CYB5R1: variants seen among roughly 807,000 people sequenced by gnomAD.
The protein encoded by CYB5R1 is NADH-cytochrome b5 reductase 1.
CYB5R1 carries 32 observed loss-of-function variants against 37.4 expected under a neutral mutation model. That is an observed-to-expected ratio of 0.86 (90% CI 0.65 to 1.15). The LOEUF (loss-of-function observed/expected upper bound fraction) is 1.15, where lower values mean the gene tolerates loss of function less well. Ranked by LOEUF, CYB5R1 falls within the 50% of genes most tolerant of loss-of-function variation. The pLI is 0.00. For synonymous variants in CYB5R1, 159 were observed against 155.2 expected (o/e 1.02, Z -0.18); for missense variants, 345 against 382.5 (o/e 0.90, Z 0.82).
Position 202,963,276 on chromosome 1 carries a change from A to G in CYB5R1, c.646-111T>C, listed in dbSNP as rs1655029549. The G allele has an allele frequency of 4.0e-6, 3 of 741,806 alleles. No homozygotes were observed. In the Admixed American group the frequency reaches 8.0e-5, roughly 20 times the overall value. 46.0% of individuals were successfully genotyped at this position (741,806 alleles called of 1,614,324 possible). A position where few individuals can be genotyped will look rare whatever the true frequency, so the allele number is the denominator to read the frequency against. On this transcript the variant is annotated intron_variant, in intron 7 of 8. Coordinates refer to ENST00000367249, the MANE Select transcript of CYB5R1 (RefSeq NM_016243.3). ...AAAAAGAATGTTAAGGGAAAGCAAA[A>G]GTTCTAGGAAATAAGCAAGACTTGC... is the stretch of plus-strand genomic sequence containing the variant.
Position 202,967,193 on chromosome 1 carries a change from T to C in CYB5R1, c.13A>G (p.Thr5Ala), listed in dbSNP as rs1655114929. Reference sequence around the variant, plus strand: ...AGGATACTGAATGAGGGTCTTACCGTCTGGATCCCCATGACGGAGCGCCTT... The same window carrying C: ...AGGATACTGAATGAGGGTCTTACCGCCTGGATCCCCATGACGGAGCGCCTT... MGIQ[T>A]SPVLLASLGV... The change falls in exon 1 of 9, where the codon ACG becomes GCG. Residue 5 changes from threonine (T) to alanine (A), a missense_variant and splice_region_variant. Physicochemically the swap from Thr to Ala is moderately conservative, Grantham distance 58. Transcript: ENST00000367249. 6.2e-7 allele frequency: 1 copy of C among 1,610,848 alleles called. No individual in the cohort carries two copies. Among genetic ancestry groups the C allele is most frequent in the Non-Finnish European group, 8.5e-7 (1 of 1,178,806 alleles).
At position 202,964,667 on chromosome 1, in the gene CYB5R1, T is replaced by C. The variant is rs780053812; in HGVS notation, c.504A>G (p.Lys168=). Residue 168 remains lysine (K), a synonymous_variant, in exon 6 of 9, where the codon AAA becomes AAG. Coordinates refer to ENST00000367249, the MANE Select transcript of CYB5R1 (RefSeq NM_016243.3). ...KGHFNIQPNK[K]SPPEPRVAKK... Reference sequence around the variant, plus strand: ...TCGCCACTCGGGGTTCTGGTGGAGATTTCTTGTTGGGCTGAATGTTAAAAT... The same window carrying C: ...TCGCCACTCGGGGTTCTGGTGGAGACTTCTTGTTGGGCTGAATGTTAAAAT... 1.9e-6 allele frequency: 3 copies of C among 1,613,862 alleles called. No individual in the cohort carries two copies. Among genetic ancestry groups the C allele is most frequent in the Middle Eastern group, 1.7e-4 (1 of 6,050 alleles).
Position 202,965,403 on chromosome 1 carries a change from C to A in CYB5R1, c.443G>T (p.Gly148Val). The part of the protein sequence containing the change: ...LKVGDVVEFR[G>V]PSGLLTYTGK... ...AGTGTAAGTGAGCAACCCGCTTGGC[C>A]CCCGAAACTCCACCACATCCCCAAC... is the stretch of plus-strand genomic sequence containing the variant. The change falls in exon 5 of 9, where the codon GGG becomes GTG. Residue 148 changes from glycine (G) to valine (V), a missense_variant. Transcript: ENST00000367249. The A allele has an allele frequency of 1.9e-6, 3 of 1,602,022 alleles. No homozygotes were observed. Among genetic ancestry groups the A allele is most frequent in the Non-Finnish European group, 2.6e-6 (3 of 1,174,342 alleles).
At chr1:202,962,962 G>C in intron 8 of CYB5R1, 104 bp downstream of exon 8, 1 of 1,139,974 alleles carries the variant, frequency 8.8e-7, no homozygotes, top group African/African-American at 1.5e-5. Flanking sequence ...CGAGTTGGCA[G>C]TGTGAGGCAA....
rs1654997222 is a variant in CYB5R1 at position 202,962,004 on chromosome 1, A to T, written c.*523T>A. On this transcript the variant is annotated 3_prime_UTR_variant, in exon 9 of 9. Coordinates refer to ENST00000367249, the MANE Select transcript of CYB5R1 (RefSeq NM_016243.3). ...CAGGGGCTGAGAGAGACACACACAG[A>T]AATATGATATTTCAGACTCCTTTGA... 1 of 152,268 alleles carries T rather than the reference A, an allele frequency of 6.6e-6. No homozygotes were observed. Among genetic ancestry groups the T allele is most frequent in the African/African-American group, 2.4e-5 (1 of 41,442 alleles). 9.4% of individuals were successfully genotyped at this position (152,268 alleles called of 1,614,324 possible). A position where few individuals can be genotyped will look rare whatever the true frequency, so the allele number is the denominator to read the frequency against.
rs747138276 is a variant in CYB5R1 at position 202,964,700 on chromosome 1, G to A, written c.476-5C>T. On this transcript the variant is annotated splice_polypyrimidine_tract_variant and splice_region_variant and intron_variant, in intron 5 of 8. Coordinates refer to ENST00000367249, the MANE Select transcript of CYB5R1 (RefSeq NM_016243.3). Reference sequence around the variant, plus strand: ...TGGGCTGAATGTTAAAATGCCCTGAGAGGTCAGGTGAAGAGAGCAGTGGAA... The same window carrying A: ...TGGGCTGAATGTTAAAATGCCCTGAAAGGTCAGGTGAAGAGAGCAGTGGAA... The A allele has an allele frequency of 5.0e-6, 8 of 1,604,442 alleles. No individual in the cohort carries two copies. Among genetic ancestry groups the A allele is most frequent in the Non-Finnish European group, 8.5e-7 (1 of 1,171,142 alleles).
rs199856907 is a variant in CYB5R1 at position 202,967,191 on chromosome 1, C to T, written c.15G>A (p.Thr5=). The change falls in exon 1 of 9, where the codon ACG becomes ACA. Residue 5 remains threonine (T), a splice_region_variant and synonymous_variant. Coordinates refer to ENST00000367249, the MANE Select transcript of CYB5R1 (RefSeq NM_016243.3). Reference sequence around the variant, plus strand: ...GGAGGATACTGAATGAGGGTCTTACCGTCTGGATCCCCATGACGGAGCGCC... The same window carrying T: ...GGAGGATACTGAATGAGGGTCTTACTGTCTGGATCCCCATGACGGAGCGCC... MGIQ[T]SPVLLASLGV... The T allele has an allele frequency of 1.9e-4, 304 of 1,610,980 alleles. 1 individual carries two copies. Among genetic ancestry groups the T allele is most frequent in the Non-Finnish European group, 2.5e-4 (295 of 1,178,684 alleles).
At position 202,965,926 on chromosome 1, in the gene CYB5R1, G is replaced by C; in HGVS notation, c.306C>G (p.Thr102=). 1 of 1,613,988 alleles carries C rather than the reference G, an allele frequency of 6.2e-7. No homozygotes were observed. Among genetic ancestry groups the C allele is most frequent in the Non-Finnish European group, 8.5e-7 (1 of 1,179,850 alleles). ...CCACATAGCCTTGATCCTCATCACT[G>C]GTGACAGGAGTGTATGGCCTGATGA... is the stretch of plus-strand genomic sequence containing the variant. ...SLVIRPYTPV[T]SDEDQGYVDL... The change falls in exon 4 of 9, where the codon ACC becomes ACG. Residue 102 remains threonine, a synonymous_variant. Transcript: ENST00000367249.
chr1:202,965,584 GGC>G, intron 4 of CYB5R1, 84 bp from the exon 5 acceptor site: 2 of 1,388,006 alleles, frequency 1.4e-6, no homozygotes, highest in African/African-American at 1.5e-5. Context: ...CTGAGGCTGG[GGC>G]AGGGATCAGA....
chr1:202,965,296 C>T, intron 5 of CYB5R1, 75 bp downstream of exon 5: 1 of 1,476,676 alleles, frequency 6.8e-7, no homozygotes, highest in Non-Finnish European at 9.0e-7. Context: ...TGTGTACACA[C>T]AGCCATACTG....
Position 202,964,623 on chromosome 1 carries a change from G to GCAATCATTCCCAGTTTCTT in CYB5R1, c.529_547dup (p.Ala183GlufsTer27), listed in dbSNP as rs754676490. The GCAATCATTCCCAGTTTCTT allele has an allele frequency of 6.2e-6, 10 of 1,612,674 alleles. No homozygotes were observed. Among genetic ancestry groups the GCAATCATTCCCAGTTTCTT allele is most frequent in the Non-Finnish European group, 8.5e-6 (10 of 1,178,876 alleles). On this transcript the variant is annotated frameshift_variant, in exon 6 of 9. Transcript: ENST00000367249. LOFTEE classifies it high-confidence loss of function. Reference sequence around the variant, plus strand: ...TCAGTGTAATGCACCTGTCCCGCCGGCAATCATTCCCAGTTTCTTCGCCAC... The same window carrying GCAATCATTCCCAGTTTCTT: ...TCAGTGTAATGCACCTGTCCCGCCGGCAATCATTCCCAGTTTCTTCAATCATTCCCAGTTTCTTCGCCAC...
At chr1:202,963,352 A>G (rs1312728894) in intron 7 of CYB5R1, 187 bp from the exon 8 acceptor site, 1 of 601,348 alleles carries the variant, frequency 1.7e-6, no homozygotes, top group Non-Finnish European at 2.9e-6. Flanking sequence ...GCCTTTATCT[A>G]CACATTATGA....
At chr1:202,965,569 C>A in intron 4 of CYB5R1, 69 bp from the exon 5 acceptor site, 2 of 1,481,796 alleles carry the variant, frequency 1.3e-6, no homozygotes, top group Non-Finnish European at 1.8e-6. Flanking sequence ...GTTGACTAAA[C>A]CTCCCTGAGG....
At position 202,962,386 on chromosome 1, in the gene CYB5R1, C is replaced by G. The variant is rs1318838144; in HGVS notation, c.*141G>C. The G allele has an allele frequency of 5.8e-6, 6 of 1,034,474 alleles. No individual in the cohort carries two copies. Among genetic ancestry groups the G allele is most frequent in the East Asian group, 5.0e-5 (2 of 40,332 alleles). 64.1% of individuals were successfully genotyped at this position (1,034,474 alleles called of 1,614,324 possible). ...CTTCCATGGCTACAGGAATATTGTT[C>G]CTGCAGGTACTATCCAGATTTCAGC... On this transcript the variant is annotated 3_prime_UTR_variant, in exon 9 of 9. Coordinates refer to ENST00000367249, the MANE Select transcript of CYB5R1 (RefSeq NM_016243.3).
chr1:202,963,405 G>A lies in CYB5R1; in HGVS notation c.645+237C>T, dbSNP rs571169303. On this transcript the variant is annotated intron_variant, in intron 7 of 8. Coordinates refer to ENST00000367249, the MANE Select transcript of CYB5R1 (RefSeq NM_016243.3). ...TTTAACCAAGAAGATCTAAGTTTCTGTGCTCCAGACTAGATACCTTAAAAG... is the reference window on the plus strand; with the variant it reads ...TTTAACCAAGAAGATCTAAGTTTCTATGCTCCAGACTAGATACCTTAAAAG... 28 of 594,668 alleles carry A rather than the reference G, an allele frequency of 4.7e-5. No homozygotes were observed. The South Asian group carries it at 5.3e-4, about 11-fold the overall frequency. 36.8% of individuals were successfully genotyped at this position (594,668 alleles called of 1,614,324 possible).
At position 202,962,224 on chromosome 1, in the gene CYB5R1, C is replaced by G. The variant is rs2102502268; in HGVS notation, c.*303G>C. 1 of 306,732 alleles carries G rather than the reference C, an allele frequency of 3.3e-6. No individual in the cohort carries two copies. The allele number at this position is 306,732 out of a possible 1,614,324, so 19.0% of individuals were successfully genotyped here. A position where few individuals can be genotyped will look rare whatever the true frequency, so the allele number is the denominator to read the frequency against. On this transcript the variant is annotated 3_prime_UTR_variant, in exon 9 of 9. Transcript: ENST00000367249. ...GTGAGAGTAAGATGCTATCAAGGAA[C>G]TAGCCAATCTTGGACCAAGCGTACA... is the stretch of plus-strand genomic sequence containing the variant.
In CYB5R1 at chr1:202,965,416, C is replaced by G. The variant is rs376157428; in HGVS notation, c.430G>C (p.Val144Leu). The G allele has an allele frequency of 2.5e-6, 4 of 1,607,178 alleles. No homozygotes were observed. The African/African-American group carries it at 5.4e-5, about 22-fold the overall frequency. ...YLDSLKVGDV[V>L]EFRGPSGLLT... is the part of the protein sequence containing the mutation. ...AACCCGCTTGGCCCCCGAAACTCCA[C>G]CACATCCCCAACCTTCAGGCTATCC... The change falls in exon 5 of 9, where the codon GTG becomes CTG. Residue 144 changes from valine (V) to leucine (L), a missense_variant. Coordinates refer to ENST00000367249, the MANE Select transcript of CYB5R1 (RefSeq NM_016243.3).
chr1:202,966,277 G>C (rs928670121), intron 3 of CYB5R1: 16 of 600,808 alleles, frequency 2.7e-5, no homozygotes, highest in Admixed American at 1.5e-4. Flanking sequence ...TGCTTGCTCA[G>C]AGGGAGTAAT....
In CYB5R1 at chr1:202,965,880, C is replaced by T. The variant is rs1053043349; in HGVS notation, c.345+7G>A. The T allele has an allele frequency of 6.3e-7, 1 of 1,592,064 alleles. No homozygotes were observed. Among genetic ancestry groups the T allele is most frequent in the African/African-American group, 1.3e-5 (1 of 74,544 alleles). ...AGCAGCCCCTGGGTCCCTTCCTAGCCCCTTACCTTGATGACAAGATCCACA... is the reference window on the plus strand; with the variant it reads ...AGCAGCCCCTGGGTCCCTTCCTAGCTCCTTACCTTGATGACAAGATCCACA... On this transcript the variant is annotated splice_region_variant and intron_variant, in intron 4 of 8. Transcript: ENST00000367249.
Sources: gnomAD v4.1 joint callset for allele counts on GRCh38, gnomAD v4.1.1 for gene constraint, MANE v1.5 for transcripts, NCBI Gene and HGNC (gene_info 2026-07-23, HGNC 2026-07-21) for gene names.